Variants in ZFPM2 observed in about 807,000 individuals in gnomAD.
The protein encoded by ZFPM2 is zinc finger protein, FOG family member 2.
ZFPM2 carries 20 observed loss-of-function variants against 98.6 expected under a neutral mutation model. The observed-to-expected ratio is 0.20, with a 90% CI of 0.14 to 0.29. The LOEUF (loss-of-function observed/expected upper bound fraction) is 0.29. Among genes scored for constraint, ZFPM2 ranks in the 10% least tolerant of loss-of-function variants. The pLI is 1.00. For synonymous variants in ZFPM2, 518 were observed against 502.7 expected (o/e 1.03, Z -0.41); for missense variants, 1,310 against 1,388.6 (o/e 0.94, Z 0.90).
chr8:105,783,437 T>C (rs1478317978), intron 5 of ZFPM2, among the ~76,000 whole-genome samples: 1 of 152,102 alleles, frequency 6.6e-6, no homozygotes, highest in African/African-American at 2.4e-5. Context: ...CATTCTCAAG[T>C]GTATAGTTCA....
intron 1 of ZFPM2, among the ~76,000 whole-genome samples, chr8:105,322,477 A>T: frequency 6.8e-6 from 1 of 147,104 alleles, no homozygotes. Context: ...TTGCAAATGA[A>T]TGTCATTATC....
chr8:105,614,524 T>C (rs1417142050), intron 4 of ZFPM2, among the ~76,000 whole-genome samples: 2 of 152,186 alleles, frequency 1.3e-5, no homozygotes, highest in Non-Finnish European at 2.9e-5. Context: ...ATGCATACTC[T>C]AATGCATAAT....
rs150529869 is a variant in ZFPM2 at position 105,646,563 on chromosome 8, A to T, written c.532+12206A>T. On this transcript the variant is annotated intron_variant, in intron 5 of 7. Transcript: ENST00000407775. Reference sequence around the variant, plus strand: ...TTAGGATTTCATTTTTTATTTCTCAATACTAAAGGCTGCATGGAAAGGCAG... The same window carrying T: ...TTAGGATTTCATTTTTTATTTCTCATTACTAAAGGCTGCATGGAAAGGCAG... 6.9e-3 allele frequency among the ~76,000 whole-genome samples: 1,047 copies of T among 152,176 alleles called. 5 individuals carry two copies. The highest frequency in any genetic ancestry group is 0.01 in the Non-Finnish European group (700 of 68,000).
chr8:105,419,075 T>A, intron 1 of ZFPM2, 69 bp from the exon 2 acceptor site: 1 of 1,493,760 alleles, frequency 6.7e-7, no homozygotes, highest in Non-Finnish European at 9.1e-7. Flanking sequence ...AAAAAGGCTC[T>A]ATTTAAGGAT....
chr8:105,664,188 C>T (rs957734207), intron 5 of ZFPM2, among the ~76,000 whole-genome samples: 5 of 152,140 alleles, frequency 3.3e-5, no homozygotes, highest in African/African-American at 1.2e-4. Context: ...ATTCATTGGT[C>T]TCTCTTATGC....
At chr8:105,721,774 CAGAA>C (rs1811673208) in intron 5 of ZFPM2, among the ~76,000 whole-genome samples, 3 of 151,932 alleles carry the variant, frequency 2.0e-5, no homozygotes, top group South Asian at 4.1e-4. Context: ...GTAATTTTCT[CAGAA>C]AGAATATACG....
At chr8:105,504,614 A>G (rs922767658) in intron 3 of ZFPM2, among the ~76,000 whole-genome samples, 9 of 152,216 alleles carry the variant, frequency 5.9e-5, no homozygotes, top group East Asian at 1.9e-4. Flanking sequence ...AGATGTGGCT[A>G]TAACATGCAG....
At chr8:105,778,951 A>G (rs1403893418) in intron 5 of ZFPM2, among the ~76,000 whole-genome samples, 3 of 134,152 alleles carry the variant, frequency 2.2e-5, no homozygotes, top group African/African-American at 5.6e-5. Context: ...CCTATTAAAT[A>G]TCTGAATTTT....
intron 5 of ZFPM2, among the ~76,000 whole-genome samples, chr8:105,746,655 ATTT>A (rs1812355645): frequency 1.1e-5 from 1 of 92,044 alleles, no homozygotes; most frequent in Admixed American, 1.0e-4. Context: ...GTTTTTAAAA[ATTT>A]TTTTTTTTTT....
intron 3 of ZFPM2, among the ~76,000 whole-genome samples, chr8:105,479,250 C>A (rs1039813730): frequency 2.0e-5 from 3 of 152,192 alleles, no homozygotes; most frequent in Non-Finnish European, 2.9e-5. Flanking sequence ...ACTAACAAGA[C>A]ATGAAGGTGT....
At chr8:105,620,729 C>T (rs1452474207) in intron 4 of ZFPM2, among the ~76,000 whole-genome samples, 1 of 152,116 alleles carries the variant, frequency 6.6e-6, no homozygotes, top group African/African-American at 2.4e-5. Flanking sequence ...GGAAGGGATC[C>T]AGTTTCAGCT....
At chr8:105,520,097 A>T (rs1814018352) in intron 3 of ZFPM2, among the ~76,000 whole-genome samples, 1 of 152,308 alleles carries the variant, frequency 6.6e-6, no homozygotes, top group Middle Eastern at 3.4e-3. Context: ...GGGAACAAAA[A>T]TAAAGAAAAT....
chr8:105,720,869 C>T (rs1346337060), intron 5 of ZFPM2, among the ~76,000 whole-genome samples: 6 of 151,938 alleles, frequency 3.9e-5, no homozygotes, highest in Admixed American at 3.9e-4. Context: ...AGAGGAGATG[C>T]ATCCTAGAAC....
At chr8:105,523,270 A>G (rs1464820362) in intron 3 of ZFPM2, among the ~76,000 whole-genome samples, 1 of 152,344 alleles carries the variant, frequency 6.6e-6, no homozygotes, top group African/African-American at 2.4e-5. Flanking sequence ...AAACTTTTAC[A>G]TCCATATTGT....
At chr8:105,508,869 T>C (rs1813756983) in intron 3 of ZFPM2, among the ~76,000 whole-genome samples, 1 of 152,028 alleles carries the variant, frequency 6.6e-6, no homozygotes, top group South Asian at 2.1e-4. Flanking sequence ...AAATTTTTTT[T>C]TTAATGTGGA....
chr8:105,590,760 ACG>A (rs1215773665), intron 4 of ZFPM2, among the ~76,000 whole-genome samples: 1 of 143,332 alleles, frequency 7.0e-6, no homozygotes, highest in East Asian at 1.9e-4. Context: ...ATACGTGCGC[ACG>A]CACACACACA....
At chr8:105,527,244 CTG>C (rs1239102629) in intron 3 of ZFPM2, among the ~76,000 whole-genome samples, 4 of 152,156 alleles carry the variant, frequency 2.6e-5, no homozygotes, top group Non-Finnish European at 5.9e-5. Context: ...CACGTTCAAT[CTG>C]TGAACTCTCA....
intron 6 of ZFPM2, among the ~76,000 whole-genome samples, chr8:105,790,860 T>G (rs1026812974): frequency 2.6e-5 from 4 of 152,198 alleles, no homozygotes; most frequent in Non-Finnish European, 5.9e-5. Context: ...GAAGCAATTG[T>G]GAATGGGAGT....
rs1586333075 is a variant in ZFPM2 at position 105,384,902 on chromosome 8, GCTCA to G, written c.41-34239_41-34236del. On this transcript the variant is annotated intron_variant, in intron 1 of 7. Transcript: ENST00000407775. ...ATATAACAGCAGAAATGAATACAGT[GCTCA>G]CTGTGTCCCAAACACTACCCTAAGC... Among the ~76,000 whole-genome samples the G allele has an allele frequency of 2.6e-5, 4 of 152,244 alleles. No individual in the cohort carries two copies. The South Asian group carries it at 8.3e-4, about 32-fold the overall frequency.
Sources: allele counts gnomAD v4.1 joint callset (sites outside exome capture counted in the v4.1 genomes callset), GRCh38; gene constraint gnomAD v4.1.1; transcripts MANE v1.5; gene names NCBI Gene and HGNC (gene_info 2026-07-23, HGNC 2026-07-21).